Variants in ADH1A observed in about 807,000 individuals in gnomAD.
The protein encoded by ADH1A is alcohol dehydrogenase 1A (class I), alpha polypeptide, also known as alcohol dehydrogenase 1A.
In ADH1A, 29 loss-of-function variants were observed where a neutral mutation model predicts 35.2. The ratio of observed to expected loss-of-function variants is 0.82; its 90% CI spans 0.61 to 1.12. The LOEUF (loss-of-function observed/expected upper bound fraction) is 1.12, where lower values mean the gene tolerates loss of function less well. Ranked by LOEUF, ADH1A falls within the 50% of genes most tolerant of loss-of-function variation. The pLI, the probability that ADH1A is intolerant of heterozygous loss-of-function variation, is 0.00. For synonymous variants in ADH1A, 147 were observed against 164.8 expected (o/e 0.89, Z 0.83); for missense variants, 469 against 464.7 (o/e 1.01, Z -0.09).
chr4:99,284,634 C>T lies in ADH1A; in HGVS notation c.348-16G>A. 6.2e-7 allele frequency: 1 copy of T among 1,613,926 alleles called. No individual in the cohort carries two copies. Among genetic ancestry groups the T allele is most frequent in the Admixed American group, 1.7e-5 (1 of 60,022 alleles). ...ATTGCTTACACTGGACAGTGCAATA[C>T]AAAGACACACAAAGGCATGAGACAG... On this transcript the variant is annotated splice_polypyrimidine_tract_variant and intron_variant, in intron 4 of 8. Coordinates refer to ENST00000209668, the MANE Select transcript of ADH1A (RefSeq NM_000667.4).
intron 5 of ADH1A, among the ~76,000 whole-genome samples, chr4:99,283,604 G>A (rs1462713619): frequency 6.6e-6 from 1 of 152,118 alleles, no homozygotes; most frequent in Non-Finnish European, 1.5e-5. Context: ...TATGTATCAT[G>A]ATCTAAGATT....
chr4:99,280,264 A>C lies in ADH1A; in HGVS notation c.844T>G (p.Cys282Gly). ...RLDTMMASLL[C>G]CHEACGTSVI... ...CTTGTGCCACATGCCTCATGACAAC[A>C]TAACAGGGAAGCCATCTGGAATAAA... The change falls in exon 7 of 9, where the codon TGT becomes GGT. Residue 282 changes from cysteine to glycine, a missense_variant. Transcript: ENST00000209668. The C allele has an allele frequency of 1.2e-6, 2 of 1,613,588 alleles. No homozygotes were observed. Among genetic ancestry groups the C allele is most frequent in the Admixed American group, 3.3e-5 (2 of 60,000 alleles).
chr4:99,278,628 TA>T (rs1243351522), intron 8 of ADH1A: 1 of 152,122 alleles, frequency 6.6e-6, no homozygotes, highest in African/African-American at 2.4e-5. Context: ...GAAACACTAT[TA>T]AAAGTTGAAA....
intron 3 of ADH1A, 134 bp from the exon 4 acceptor site, chr4:99,284,937 CAA>C: frequency 2.4e-6 from 2 of 824,768 alleles, no homozygotes; most frequent in Non-Finnish European, 1.9e-6. Flanking sequence ...AGTCCAATCA[CAA>C]ATATGTCATT....
Position 99,284,593 on chromosome 4 carries a change from G to T in ADH1A, c.373C>A (p.Gln125Lys), listed in dbSNP as rs763808166. 2 of 1,614,200 alleles carry T rather than the reference G, an allele frequency of 1.2e-6. No individual in the cohort carries two copies. Among genetic ancestry groups the T allele is most frequent in the Non-Finnish European group, 1.7e-6 (2 of 1,180,030 alleles). Reference sequence around the variant, plus strand: ...CAGGTGAACCTGCTGGTGCCATCCTGCAGGGTCCCCTGAGGATTGCTTACA... The same window carrying T: ...CAGGTGAACCTGCTGGTGCCATCCTTCAGGGTCCCCTGAGGATTGCTTACA... ...NDVSNPQGTL[Q>K]DGTSRFTCRR... Residue 125 changes from glutamine to lysine, a missense_variant, in exon 5 of 9, where the codon CAG (glutamine) becomes AAG (lysine). Gln to Lys is a moderately conservative substitution (Grantham distance 53, BLOSUM62 1). Coordinates refer to ENST00000209668, the MANE Select transcript of ADH1A (RefSeq NM_000667.4).
At chr4:99,287,204 T>C (rs905694163) in intron 2 of ADH1A, among the ~76,000 whole-genome samples, 1 of 152,236 alleles carries the variant, frequency 6.6e-6, no homozygotes, top group Non-Finnish European at 1.5e-5. Flanking sequence ...TAGAATAATC[T>C]GTGAAGTAAC....
chr4:99,289,069 T>TTTGGTTC (rs1241397485), intron 1 of ADH1A, among the ~76,000 whole-genome samples: 1 of 152,142 alleles, frequency 6.6e-6, no homozygotes, highest in African/African-American at 2.4e-5. Context: ...ACATATGATG[T>TTTGGTTC]TTGGTTCTCC....
chr4:99,280,788 T>A (rs1176195018), intron 6 of ADH1A, among the ~76,000 whole-genome samples: 1 of 152,198 alleles, frequency 6.6e-6, no homozygotes, highest in African/African-American at 2.4e-5. Flanking sequence ...TACTGTCCAT[T>A]TCTCAAATGG....
In ADH1A at chr4:99,276,584, G is replaced by A. The variant is rs749276129; in HGVS notation, c.*40C>T. 4 of 1,572,322 alleles carry A rather than the reference G, an allele frequency of 2.5e-6. No individual in the cohort carries two copies. The highest frequency in any genetic ancestry group is 3.5e-6 in the Non-Finnish European group (4 of 1,142,272). On this transcript the variant is annotated 3_prime_UTR_variant, in exon 9 of 9. Coordinates refer to ENST00000209668, the MANE Select transcript of ADH1A (RefSeq NM_000667.4). Reference sequence around the variant, plus strand: ...TTGCTCCAGATCATGTAGGGTAGAGGAGGCTGAAGACTGCCACAAGGGAAA... The same window carrying A: ...TTGCTCCAGATCATGTAGGGTAGAGAAGGCTGAAGACTGCCACAAGGGAAA...
chr4:99,284,154 C>A (rs1461827137), intron 5 of ADH1A, among the ~76,000 whole-genome samples: 1 of 152,090 alleles, frequency 6.6e-6, no homozygotes, highest in Non-Finnish European at 1.5e-5. Context: ...TCATAAAGAG[C>A]AAATACAGAA....
At chr4:99,290,411 A>G (rs1228458648) in intron 1 of ADH1A, among the ~76,000 whole-genome samples, 8 of 152,160 alleles carry the variant, frequency 5.3e-5, no homozygotes, top group Admixed American at 5.2e-4. Context: ...GCATTTTGTA[A>G]ACTATTTTAT....
intron 2 of ADH1A, among the ~76,000 whole-genome samples, chr4:99,287,271 T>C (rs1000362821): frequency 6.6e-6 from 1 of 152,152 alleles, no homozygotes; most frequent in Non-Finnish European, 1.5e-5. Context: ...CTTTAAAAAA[T>C]AGAAGTAGAA....
At chr4:99,277,269 C>T (rs1399910060) in intron 8 of ADH1A, among the ~76,000 whole-genome samples, 2 of 151,968 alleles carry the variant, frequency 1.3e-5, no homozygotes, top group Non-Finnish European at 2.9e-5. Context: ...ACCTTTGATA[C>T]AGATATGTTT....
In ADH1A at chr4:99,284,705, C is replaced by G; in HGVS notation, c.347+11G>C. 6.2e-7 allele frequency: 1 copy of G among 1,614,062 alleles called. No homozygotes were observed. Among genetic ancestry groups the G allele is most frequent in the African/African-American group, 1.3e-5 (1 of 75,044 alleles). On this transcript the variant is annotated intron_variant, in intron 4 of 8. Transcript: ENST00000209668. Reference sequence around the variant, plus strand: ...CTCAATGTCTGCGCAGGGAGAGCATCAGAAACCTACTCGTTTTTCAAGCAG... The same window carrying G: ...CTCAATGTCTGCGCAGGGAGAGCATGAGAAACCTACTCGTTTTTCAAGCAG...
intron 7 of ADH1A, among the ~76,000 whole-genome samples, 200 bp from the exon 8 acceptor site, chr4:99,279,764 G>C (rs1167860282): frequency 6.6e-6 from 1 of 152,116 alleles, no homozygotes; most frequent in East Asian, 1.9e-4. Context: ...AAGGGTCCCT[G>C]GTTATTCTCT....
chr4:99,290,924 G>A lies in ADH1A; in HGVS notation c.-10C>T, dbSNP rs768468754. 6.2e-7 allele frequency: 1 copy of A among 1,613,766 alleles called. No individual in the cohort carries two copies. The highest frequency in any genetic ancestry group is 8.5e-7 in the Non-Finnish European group (1 of 1,179,764). ...TTCCTGCTGTGCTCATGTTGATTCT[G>A]TCTTCTCTGCAGACCAGGAGACTGG... On this transcript the variant is annotated 5_prime_UTR_variant, in exon 1 of 9. Coordinates refer to ENST00000209668, the MANE Select transcript of ADH1A (RefSeq NM_000667.4).
chr4:99,280,332 T>A lies in ADH1A; in HGVS notation c.829-53A>T. On this transcript the variant is annotated intron_variant, in intron 6 of 8. Coordinates refer to ENST00000209668, the MANE Select transcript of ADH1A (RefSeq NM_000667.4). ...TTAACATGGAGTCGCATAGTTCCTA[T>A]TCATAATGCACAATATCATGTAATA... 1.9e-6 allele frequency: 3 copies of A among 1,609,924 alleles called. No homozygotes were observed. In the East Asian group the frequency reaches 6.7e-5, roughly 36 times the overall value.
At chr4:99,290,832 C>T in intron 1 of ADH1A, 65 bp downstream of exon 1, 3 of 1,477,990 alleles carry the variant, frequency 2.0e-6, no homozygotes, top group Admixed American at 1.7e-5. Flanking sequence ...TCATCAAATA[C>T]TGTATTACTT....
In ADH1A at chr4:99,276,689, A is replaced by G. The variant is rs372150453; in HGVS notation, c.1104-41T>C. The G allele has an allele frequency of 2.5e-6, 4 of 1,578,566 alleles. No individual in the cohort carries two copies. The African/African-American group carries it at 5.4e-5, about 21-fold the overall frequency. On this transcript the variant is annotated intron_variant, in intron 8 of 8. Transcript: ENST00000209668. ...AGAGACATTGTATTAGCATTTAGAC[A>G]TGCTTCCATGTGAGAGTCCAAGGAG... is the stretch of plus-strand genomic sequence containing the variant.
Sources: gnomAD v4.1 joint callset for allele counts (sites outside exome capture counted in the v4.1 genomes callset) on GRCh38, gnomAD v4.1.1 for gene constraint, MANE v1.5 for transcripts, NCBI Gene and HGNC (gene_info 2026-07-23, HGNC 2026-07-21) for gene names.